Variants in CCNC observed in about 807,000 individuals in gnomAD.
The protein encoded by CCNC is cyclin-C.
Under a neutral mutation model 50.0 loss-of-function variants are expected in CCNC, and 19 were observed. The ratio of observed to expected loss-of-function variants is 0.38; its 90% CI spans 0.27 to 0.56. The LOEUF (loss-of-function observed/expected upper bound fraction) is 0.56, where lower values mean the gene tolerates loss of function less well. Ranked by LOEUF, CCNC falls within the 20% of genes least tolerant of loss-of-function variation. The pLI, the probability that CCNC is intolerant of heterozygous loss-of-function variation, is 0.72. For synonymous variants in CCNC, 93 were observed against 103.7 expected (o/e 0.90, Z 0.63); for missense variants, 200 against 327.1 (o/e 0.61, Z 3.00).
chr6:99,544,376 A>G (rs918148273), intron 11 of CCNC: 2 of 953,788 alleles, frequency 2.1e-6, no homozygotes, highest in Non-Finnish European at 3.1e-6. Flanking sequence ...ACTTATGAGT[A>G]GCAATCCATA....
At chr6:99,545,287 T>C in intron 10 of CCNC, 57 bp from the exon 11 acceptor site, 1 of 852,870 alleles carries the variant, frequency 1.2e-6, no homozygotes, top group Non-Finnish European at 2.0e-6. Flanking sequence ...ATTTTTTATA[T>C]AAAGAGCATA....
Position 99,568,645 on chromosome 6 carries a change from G to T in CCNC, c.-118C>A. 4 of 1,534,098 alleles carry T rather than the reference G, an allele frequency of 2.6e-6. No individual in the cohort carries two copies. The highest frequency in any genetic ancestry group is 3.5e-6 in the Non-Finnish European group (4 of 1,141,912). On this transcript the variant is annotated 5_prime_UTR_variant, in exon 1 of 12. Transcript: ENST00000520429. ...GATCAAATCAGCTCGGCTCGACTCCGCTCCGCGGCGGCGACGGCGAAAGGA... is the reference window on the plus strand; with the variant it reads ...GATCAAATCAGCTCGGCTCGACTCCTCTCCGCGGCGGCGACGGCGAAAGGA...
At chr6:99,563,131 T>C (rs1768925535) in intron 1 of CCNC, among the ~76,000 whole-genome samples, 183 bp from the exon 2 acceptor site, 1 of 152,226 alleles carries the variant, frequency 6.6e-6, no homozygotes, top group Non-Finnish European at 1.5e-5. Context: ...AAATACGTCC[T>C]GAAAAAATTC....
In CCNC at chr6:99,546,459, G is replaced by C; in HGVS notation, c.614C>G (p.Ala205Gly). The change falls in exon 10 of 12, where the codon GCC (alanine) becomes GGC (glycine). Residue 205 changes from alanine (A) to glycine (G), a missense_variant. Coordinates refer to ENST00000520429, the MANE Select transcript of CCNC (RefSeq NM_005190.4). ...FMIALACLHV[A>G]CVVQQKDARQ... ...GGCATCTTTCTGCTGTACAACACAG[G>C]CTACATGTAGGCAAGCTGAAATGAA... 6.2e-7 allele frequency: 1 copy of C among 1,611,904 alleles called. No homozygotes were observed. Among genetic ancestry groups the C allele is most frequent in the Non-Finnish European group, 8.5e-7 (1 of 1,178,212 alleles).
Position 99,558,514 on chromosome 6 carries a change from GCAAT to G in CCNC, c.325_328del (p.Ile109LeufsTer7). ...GCACTTACATACAGAAGTAGCAGCA[GCAAT>G]CAATCTTGTATTTGAAACTACTCCA... is the stretch of plus-strand genomic sequence containing the variant. On this transcript the variant is annotated frameshift_variant, in exon 5 of 12. Transcript: ENST00000520429. LOFTEE classifies it high-confidence loss of function. 1 of 1,608,920 alleles carries G rather than the reference GCAAT, an allele frequency of 6.2e-7. No homozygotes were observed. The highest frequency in any genetic ancestry group is 8.5e-7 in the Non-Finnish European group (1 of 1,178,140).
At chr6:99,568,416 A>T in intron 1 of CCNC, 80 bp downstream of exon 1, 3 of 1,371,908 alleles carry the variant, frequency 2.2e-6, no homozygotes, top group Non-Finnish European at 3.1e-6. Flanking sequence ...GCTGGGATCC[A>T]GGCCCAGGGG....
intron 1 of CCNC, among the ~76,000 whole-genome samples, chr6:99,566,105 AC>A (rs1231898125): frequency 2.0e-5 from 3 of 151,932 alleles, no homozygotes; most frequent in Non-Finnish European, 4.4e-5. Context: ...ACCCAAAAGT[AC>A]CCCTGGGTTT....
At chr6:99,565,192 T>A (rs1769068117) in intron 1 of CCNC, among the ~76,000 whole-genome samples, 2 of 152,084 alleles carry the variant, frequency 1.3e-5, no homozygotes, top group Non-Finnish European at 2.9e-5. Flanking sequence ...AAGCATTATG[T>A]CGAGTCCTAA....
chr6:99,552,359 G>T (rs1802335046), intron 5 of CCNC, among the ~76,000 whole-genome samples: 1 of 152,002 alleles, frequency 6.6e-6, no homozygotes, highest in South Asian at 2.1e-4. Context: ...TGAGATTTAA[G>T]AACTTTTTAC....
chr6:99,564,233 T>A (rs1419729665), intron 1 of CCNC, among the ~76,000 whole-genome samples: 1 of 152,090 alleles, frequency 6.6e-6, no homozygotes, highest in Non-Finnish European at 1.5e-5. Flanking sequence ...GAGACCAGCC[T>A]GACCAATATG....
chr6:99,566,053 T>A (rs922711834), intron 1 of CCNC, among the ~76,000 whole-genome samples: 2 of 152,008 alleles, frequency 1.3e-5, no homozygotes, highest in African/African-American at 4.8e-5. Flanking sequence ...TGGGTAATAC[T>A]CTTAACTTGC....
At chr6:99,562,396 T>C (rs1802819496) in intron 2 of CCNC, 1 of 152,982 alleles carries the variant, frequency 6.5e-6, no homozygotes, top group Admixed American at 6.5e-5. Flanking sequence ...AAGATAAGTT[T>C]ACAAAATAGT....
At chr6:99,544,665 A>T (rs1802003957) in intron 11 of CCNC, among the ~76,000 whole-genome samples, 1 of 151,730 alleles carries the variant, frequency 6.6e-6, no homozygotes, top group Admixed American at 6.6e-5. Flanking sequence ...AAAATTCTTT[A>T]TCTTTACAAT....
chr6:99,551,829 C>T lies in CCNC; in HGVS notation c.402+11G>A. 7.3e-7 allele frequency: 1 copy of T among 1,376,014 alleles called. No homozygotes were observed. The highest frequency in any genetic ancestry group is 2.6e-5 in the Admixed American group (1 of 38,314). The allele number at this position is 1,376,014 out of a possible 1,614,324, so 85.2% of individuals were successfully genotyped here. On this transcript the variant is annotated intron_variant, in intron 6 of 11. Coordinates refer to ENST00000520429, the MANE Select transcript of CCNC (RefSeq NM_005190.4). ...CTTTGATAATTGTTCCATTTTATAT[C>T]ATATACTTACATGATTCATCCTATA...
chr6:99,546,586 C>A, intron 9 of CCNC, 112 bp from the exon 10 acceptor site: 1 of 683,278 alleles, frequency 1.5e-6, no homozygotes, highest in East Asian at 2.6e-5. Context: ...CTTTAAAAAA[C>A]ATTAAACAGC....
In CCNC at chr6:99,551,906, T is replaced by TA. The variant is rs370442761; in HGVS notation, c.347-12dup. ...AAAATCTAGTTTTTACTGCAGAAAA[T>TA]AAAAAAAAAATTTAAACTGAGAAAA... On this transcript the variant is annotated splice_polypyrimidine_tract_variant and intron_variant, in intron 5 of 11. Coordinates refer to ENST00000520429, the MANE Select transcript of CCNC (RefSeq NM_005190.4). The TA allele has an allele frequency of 2.7e-3, 3,568 of 1,336,208 alleles. No individual in the cohort carries two copies. Among genetic ancestry groups the TA allele is most frequent in the South Asian group, 5.5e-3 (367 of 66,944 alleles). 82.8% of individuals were successfully genotyped at this position (1,336,208 alleles called of 1,614,324 possible).
At chr6:99,552,521 A>C (rs933323930) in intron 5 of CCNC, among the ~76,000 whole-genome samples, 1 of 152,168 alleles carries the variant, frequency 6.6e-6, no homozygotes, top group African/African-American at 2.4e-5. Context: ...CTATTACTTT[A>C]TTGGTTAGTC....
chr6:99,568,409 G>C, intron 1 of CCNC, 87 bp downstream of exon 1: 1 of 1,320,522 alleles, frequency 7.6e-7, no homozygotes, highest in Non-Finnish European at 1.1e-6. Flanking sequence ...GAACTGAGCT[G>C]GGATCCAGGC....
chr6:99,547,430 G>A (rs1206395188), intron 9 of CCNC, among the ~76,000 whole-genome samples: 1 of 151,828 alleles, frequency 6.6e-6, no homozygotes, highest in African/African-American at 2.4e-5. Context: ...AGACTGAGGT[G>A]ATGCTGAAAG....
Sources: gnomAD v4.1 joint callset for allele counts (sites outside exome capture counted in the v4.1 genomes callset) on GRCh38, gnomAD v4.1.1 for gene constraint, MANE v1.5 for transcripts, NCBI Gene and HGNC (gene_info 2026-07-23, HGNC 2026-07-21) for gene names.